The following CSRNP3 variants were observed in gnomAD, a reference collection of about 807,000 sequenced individuals.
CSRNP3 encodes the protein cysteine/serine-rich nuclear protein 3.
In CSRNP3, 12 loss-of-function variants were observed where a neutral mutation model predicts 48.0. The observed-to-expected ratio is 0.25, with a 90% CI of 0.16 to 0.41. The LOEUF is 0.41. Ranked by LOEUF, CSRNP3 falls within the 10% of genes least tolerant of loss-of-function variation. The probability of loss-of-function intolerance (pLI) is 1.00; values close to 1 mark genes in which losing one functional copy is unlikely to be tolerated. For missense variants in CSRNP3, 580 were observed against 724.4 expected, an observed-to-expected ratio of 0.80 and a Z score of 2.29; for synonymous variants, 263 against 269.7, an observed-to-expected ratio of 0.98 and a Z score of 0.24.
At chr2:165,671,030 G>T (rs1687319445) in intron 5 of CSRNP3, among the ~76,000 whole-genome samples, 1 of 152,142 alleles carries the variant, frequency 6.6e-6, no homozygotes, top group African/African-American at 2.4e-5. Context: ...TAGACACATT[G>T]TGTTTAATTC....
intron 4 of CSRNP3, among the ~76,000 whole-genome samples, chr2:165,623,663 G>A (rs191479803): frequency 5.3e-5 from 8 of 152,302 alleles, no homozygotes; most frequent in Admixed American, 5.2e-4. Context: ...CTGTAATCAT[G>A]CTTTTGTGCT....
At chr2:165,489,334 C>T (rs202037979) in intron 1 of CSRNP3, among the ~76,000 whole-genome samples, 1 of 139,766 alleles carries the variant, frequency 7.2e-6, no homozygotes, top group South Asian at 2.4e-4. Context: ...GAGTCCAGGA[C>T]CAGATGGATT....
chr2:165,673,093 T>G (rs1224383919), intron 5 of CSRNP3, among the ~76,000 whole-genome samples: 1 of 151,474 alleles, frequency 6.6e-6, no homozygotes, highest in African/African-American at 2.4e-5. Flanking sequence ...ATTAGAAAAC[T>G]TATAGTTTAT....
At chr2:165,513,277 A>G (rs974745353) in intron 2 of CSRNP3, among the ~76,000 whole-genome samples, 1 of 152,180 alleles carries the variant, frequency 6.6e-6, no homozygotes, top group Non-Finnish European at 1.5e-5. Context: ...GCAATTGCAG[A>G]TGCAATTGAA....
chr2:165,602,805 C>A (rs932637452), intron 4 of CSRNP3, among the ~76,000 whole-genome samples: 2 of 152,198 alleles, frequency 1.3e-5, no homozygotes, highest in African/African-American at 4.8e-5. Flanking sequence ...TCAAATATTT[C>A]TTTCTCCATA....
At chr2:165,599,596 T>C (rs1395712546) in intron 4 of CSRNP3, among the ~76,000 whole-genome samples, 5 of 152,198 alleles carry the variant, frequency 3.3e-5, no homozygotes, top group African/African-American at 1.2e-4. Context: ...CATCCTGTGA[T>C]CTAAGCATTT....
At chr2:165,500,391 A>G (rs1427072719) in intron 2 of CSRNP3, among the ~76,000 whole-genome samples, 2 of 148,130 alleles carry the variant, frequency 1.4e-5, no homozygotes, top group Non-Finnish European at 3.0e-5. Context: ...ATATGTATAT[A>G]TGTATACATA....
chr2:165,506,697 A>AC (rs1684430805), intron 2 of CSRNP3, among the ~76,000 whole-genome samples: 1 of 152,054 alleles, frequency 6.6e-6, no homozygotes, highest in African/African-American at 2.4e-5. Context: ...CCTCAAAACC[A>AC]TTGTAACTAC....
intron 4 of CSRNP3, among the ~76,000 whole-genome samples, chr2:165,636,427 G>A (rs1483543918): frequency 2.0e-5 from 3 of 152,130 alleles, no homozygotes; most frequent in African/African-American, 7.2e-5. Context: ...GAGGATAACT[G>A]TACTAACTCC....
At chr2:165,597,735 T>G (rs1489879165) in intron 4 of CSRNP3, among the ~76,000 whole-genome samples, 1 of 152,086 alleles carries the variant, frequency 6.6e-6, no homozygotes, top group Non-Finnish European at 1.5e-5. Flanking sequence ...TTTCTTGAGA[T>G]AAACACGAAG....
At chr2:165,622,534 T>C (rs915216106) in intron 4 of CSRNP3, among the ~76,000 whole-genome samples, 1 of 152,214 alleles carries the variant, frequency 6.6e-6, no homozygotes, top group African/African-American at 2.4e-5. Flanking sequence ...AGTAGTCTAC[T>C]GCTGCTGTGA....
chr2:165,525,960 G>A (rs1035684176), intron 3 of CSRNP3, among the ~76,000 whole-genome samples: 7 of 152,022 alleles, frequency 4.6e-5, no homozygotes, highest in South Asian at 2.1e-4. Flanking sequence ...ATGTGCTTAC[G>A]GACATCCAAT....
intron 3 of CSRNP3, among the ~76,000 whole-genome samples, chr2:165,545,796 G>A (rs1056439475): frequency 6.6e-6 from 1 of 152,026 alleles, no homozygotes; most frequent in Admixed American, 6.6e-5. Flanking sequence ...AAATGAATAT[G>A]TATTACTTTT....
chr2:165,500,168 G>A (rs1007933245), intron 2 of CSRNP3, among the ~76,000 whole-genome samples: 9 of 151,548 alleles, frequency 5.9e-5, no homozygotes, highest in Non-Finnish European at 1.3e-4. Flanking sequence ...TGTTTCCATG[G>A]TGAGACCCAG....
chr2:165,624,749 C>G (rs1686400161), intron 4 of CSRNP3, among the ~76,000 whole-genome samples: 1 of 152,200 alleles, frequency 6.6e-6, no homozygotes, highest in Non-Finnish European at 1.5e-5. Context: ...CTTCCCATCA[C>G]CTCTTTCCTT....
intron 1 of CSRNP3, among the ~76,000 whole-genome samples, chr2:165,470,661 T>A (rs1683881849): frequency 6.6e-6 from 1 of 151,970 alleles, no homozygotes; most frequent in Non-Finnish European, 1.5e-5. Context: ...AAGTTCTAAG[T>A]ATGTAGAATA....
chr2:165,647,987 G>A (rs1222967444), intron 4 of CSRNP3, among the ~76,000 whole-genome samples: 2 of 152,118 alleles, frequency 1.3e-5, no homozygotes, highest in Admixed American at 6.5e-5. Context: ...ATATAGAACG[G>A]GGGGAAAATT....
intron 3 of CSRNP3, among the ~76,000 whole-genome samples, chr2:165,557,441 G>A (rs1183898424): frequency 2.0e-5 from 3 of 152,164 alleles, no homozygotes; most frequent in African/African-American, 7.2e-5. Context: ...GAAAGAGGGA[G>A]AGGGAGTTGA....
At chr2:165,646,006 AAG>A (rs1457901844) in intron 4 of CSRNP3, among the ~76,000 whole-genome samples, 2 of 152,150 alleles carry the variant, frequency 1.3e-5, no homozygotes, top group Non-Finnish European at 2.9e-5. Context: ...TGGCCTCCCA[AAG>A]TGCTGGGATA....
Sources: allele counts gnomAD v4.1 joint callset (sites outside exome capture counted in the v4.1 genomes callset), GRCh38; gene constraint gnomAD v4.1.1; transcripts MANE v1.5; gene names NCBI Gene and HGNC (gene_info 2026-07-23, HGNC 2026-07-21).